Variants in ANKRD17 observed in about 807,000 individuals in gnomAD.
ANKRD17 encodes the protein ankyrin repeat domain 17.
ANKRD17 carries 19 observed loss-of-function variants against 229.7 expected under a neutral mutation model. The ratio of observed to expected loss-of-function variants is 0.08; its 90% CI spans 0.06 to 0.12. The LOEUF is 0.12. ANKRD17 is among the 10% of genes least tolerant of loss of function. The probability of loss-of-function intolerance (pLI) is 1.00; values close to 1 mark genes in which losing one functional copy is unlikely to be tolerated. For missense variants in ANKRD17, 2,176 were observed against 3,176.8 expected, an observed-to-expected ratio of 0.68 and a Z score of 7.57; for synonymous variants, 1,112 against 1,146.1, an observed-to-expected ratio of 0.97 and a Z score of 0.60.
chr4:73,133,181 C>T (rs1032895741), intron 16 of ANKRD17, among the ~76,000 whole-genome samples: 6 of 151,432 alleles, frequency 4.0e-5, no homozygotes, highest in African/African-American at 7.3e-5. Context: ...ACCTGGGAGG[C>T]GGAGGCTACA....
At chr4:73,157,194 C>G (rs1731778368) in intron 3 of ANKRD17, among the ~76,000 whole-genome samples, 1 of 152,008 alleles carries the variant, frequency 6.6e-6, no homozygotes, top group Admixed American at 6.6e-5. Context: ...TGCAAAACTT[C>G]CACTAATTAT....
intron 3 of ANKRD17, among the ~76,000 whole-genome samples, chr4:73,158,133 A>G (rs1036668215): frequency 5.7e-4 from 58 of 102,246 alleles, no homozygotes; most frequent in Non-Finnish European, 4.5e-4. Flanking sequence ...AGAAAGAAGG[A>G]GAAAGAAAGA....
At chr4:73,219,348 TA>T (rs1260797719) in intron 1 of ANKRD17, among the ~76,000 whole-genome samples, 1 of 143,696 alleles carries the variant, frequency 7.0e-6, no homozygotes, top group Non-Finnish European at 1.6e-5. Flanking sequence ...ATATAACACG[TA>T]TCTGTCAAAA....
At position 73,258,774 on chromosome 4, in the gene ANKRD17, C is replaced by T. The variant is rs1745732613; in HGVS notation, c.-106G>A. On this transcript the variant is annotated 5_prime_UTR_variant, in exon 1 of 34. Transcript: ENST00000358602. The stretch of plus-strand genomic sequence containing the variant: ...ACACAGCAATCGGTGCCGCCTCCGC[C>T]GCCACCGCCTCGGTCACCTCTACTG... 1.5e-6 allele frequency: 2 copies of T among 1,355,662 alleles called. No homozygotes were observed. The highest frequency in any genetic ancestry group is 1.9e-6 in the Non-Finnish European group (2 of 1,063,346). 84.0% of individuals were successfully genotyped at this position (1,355,662 alleles called of 1,614,324 possible). A position where few individuals can be genotyped will look rare whatever the true frequency, so the allele number is the denominator to read the frequency against.
chr4:73,232,735 ATT>A (rs1376409983), intron 1 of ANKRD17, among the ~76,000 whole-genome samples: 1 of 151,594 alleles, frequency 6.6e-6, no homozygotes, highest in South Asian at 2.1e-4. Flanking sequence ...CCCCCTTTTT[ATT>A]TTTTGAGACA....
At chr4:73,194,116 A>G (rs1384658421) in intron 1 of ANKRD17, among the ~76,000 whole-genome samples, 6 of 152,122 alleles carry the variant, frequency 3.9e-5, no homozygotes, top group Non-Finnish European at 7.4e-5. Flanking sequence ...TTTTAATTTC[A>G]ATGAAATCCA....
chr4:73,212,536 C>G (rs968417367), intron 1 of ANKRD17, among the ~76,000 whole-genome samples: 1 of 151,618 alleles, frequency 6.6e-6, no homozygotes, highest in African/African-American at 2.4e-5. Context: ...AGCTATCTCC[C>G]TTGACTTTAT....
intron 1 of ANKRD17, 116 bp downstream of exon 1, chr4:73,258,160 C>CT: frequency 2.0e-6 from 3 of 1,527,020 alleles, no homozygotes; most frequent in Non-Finnish European, 2.6e-6. Context: ...AGTCGAAAGC[C>CT]TGGCCCCTAA....
rs114198496 is a variant in ANKRD17, at chr4:73,164,457, T to A, written c.548-3109A>T. ...TTCTAGCTACCCTGAATTATGGTGA[T>A]TCTTTTTTTTCTGGTCTTATCCAGC... On this transcript the variant is annotated intron_variant, in intron 2 of 33. Transcript: ENST00000358602. Among the ~76,000 whole-genome samples the A allele has an allele frequency of 6.1e-3, 935 of 152,350 alleles. 11 individuals are homozygous for A. The highest frequency in any genetic ancestry group is 0.019 in the African/African-American group (779 of 41,582).
Position 73,190,063 on chromosome 4 carries a change from T to G in ANKRD17, c.394-12530A>C, listed in dbSNP as rs534694033. On this transcript the variant is annotated intron_variant, in intron 1 of 33. Transcript: ENST00000358602. ...TACTTATTAAGCCAAAAAGAAAACT[T>G]TTATTCTTTATAAAGTATTCTGGGG... Among the ~76,000 whole-genome samples the G allele has an allele frequency of 1.7e-3, 253 of 152,200 alleles. 3 individuals are homozygous for G. Among genetic ancestry groups the G allele is most frequent in the Non-Finnish European group, 2.0e-3 (133 of 67,996 alleles).
chr4:73,121,035 G>A lies in ANKRD17; in HGVS notation c.3695C>T (p.Ala1232Val). The change falls in exon 20 of 34, where the codon GCT becomes GTT. Residue 1232 changes from alanine (A) to valine (V), a missense_variant. By Grantham distance (64) the Ala-to-Val change is moderately conservative. Around this residue, in one of 18 missense-constraint regions of ANKRD17, gnomAD observed 178 missense variants for 421.7 expected, o/e 0.42. Transcript: ENST00000358602. ...CATGTCTAACAGGAGCTTAACAGCA[G>A]CTGTATGCCCATTCATAGCTGCTAA... ...LMLAAMNGHT[A>V]AVKLLLDMGS... is the part of the protein sequence containing the mutation. The A allele has an allele frequency of 6.2e-7, 1 of 1,613,922 alleles. No individual in the cohort carries two copies. The highest frequency in any genetic ancestry group is 8.5e-7 in the Non-Finnish European group (1 of 1,179,894).
intron 24 of ANKRD17, chr4:73,112,692 C>G: frequency 1.3e-6 from 1 of 769,104 alleles, no homozygotes. Flanking sequence ...ATGTAGCTAA[C>G]AAGTCAAAAA....
chr4:73,232,272 C>G (rs1743116580), intron 1 of ANKRD17, among the ~76,000 whole-genome samples: 1 of 152,132 alleles, frequency 6.6e-6, no homozygotes, highest in African/African-American at 2.4e-5. Flanking sequence ...TACCTTGCCT[C>G]CAGTAGTTGT....
chr4:73,243,355 C>T (rs1744213744), intron 1 of ANKRD17, among the ~76,000 whole-genome samples: 1 of 152,224 alleles, frequency 6.6e-6, no homozygotes, highest in East Asian at 1.9e-4. Flanking sequence ...AATTAGGAGG[C>T]TACTATGAAG....
chr4:73,243,316 G>C (rs1744211265), intron 1 of ANKRD17, among the ~76,000 whole-genome samples: 1 of 152,174 alleles, frequency 6.6e-6, no homozygotes, highest in Non-Finnish European at 1.5e-5. Flanking sequence ...ATGAAGAATG[G>C]GGATTCAGGA....
chr4:73,205,731 T>C lies in ANKRD17; in HGVS notation c.394-28198A>G, dbSNP rs77190060. On this transcript the variant is annotated intron_variant, in intron 1 of 33. Transcript: ENST00000358602. ...AAAGCTCAAATAACAAAAGTAAAAA[T>C]AGATGAATGGGATTACATCAAGCTA... is the stretch of plus-strand genomic sequence containing the variant. 3.4e-4 allele frequency among the ~76,000 whole-genome samples: 52 copies of C among 152,242 alleles called. 1 individual carries two copies. The East Asian group carries it at 7.7e-3, about 23-fold the overall frequency.
At chr4:73,115,400 C>T (rs1056264442) in intron 23 of ANKRD17, among the ~76,000 whole-genome samples, 2 of 152,274 alleles carry the variant, frequency 1.3e-5, no homozygotes, top group African/African-American at 2.4e-5. Flanking sequence ...AAGCGATTTT[C>T]GTGCCTCAGC....
At chr4:73,122,661 A>C (rs1726900700) in intron 18 of ANKRD17, among the ~76,000 whole-genome samples, 1 of 152,130 alleles carries the variant, frequency 6.6e-6, no homozygotes, top group African/African-American at 2.4e-5. Flanking sequence ...ATATCCTAAA[A>C]TACTAACTGG....
chr4:73,250,099 G>A (rs1326299919), intron 1 of ANKRD17, among the ~76,000 whole-genome samples: 1 of 152,026 alleles, frequency 6.6e-6, no homozygotes, highest in African/African-American at 2.4e-5. Context: ...TATCGCCAAC[G>A]CCTTAACTTC....
Sources: allele counts gnomAD v4.1 joint callset (sites outside exome capture counted in the v4.1 genomes callset), GRCh38; gene constraint gnomAD v4.1.1; regional missense constraint gnomAD v4.1.1; transcripts MANE v1.5; gene names NCBI Gene and HGNC (gene_info 2026-07-23, HGNC 2026-07-21).